Variants in SMPDL3A observed in about 807,000 individuals in gnomAD.
SMPDL3A encodes cyclic GMP-AMP phosphodiesterase SMPDL3A.
A neutral mutation model predicts 38.5 loss-of-function variants in SMPDL3A; 39 were observed. The ratio of observed to expected loss-of-function variants is 1.01; its 90% confidence interval spans 0.78 to 1.32. The LOEUF (loss-of-function observed/expected upper bound fraction) is 1.32, where lower values mean the gene tolerates loss of function less well. Among genes scored for constraint, SMPDL3A ranks in the 40% most tolerant of loss-of-function variants. SMPDL3A has a pLI of 0.00. For missense variants in SMPDL3A, 502 were observed against 536.2 expected (o/e 0.94, Z 0.63); for synonymous variants, 180 against 194.3 (o/e 0.93, Z 0.61).
At chr6:122,796,010 A>G (rs1781238495) in intron 2 of SMPDL3A, 120 bp downstream of exon 2, 2 of 755,716 alleles carry the variant, frequency 2.6e-6, no homozygotes, top group Non-Finnish European at 2.1e-6. Flanking sequence ...TTGAGTTAAA[A>G]AAACACTAGG....
intron 7 of SMPDL3A, among the ~76,000 whole-genome samples, chr6:122,808,166 A>G (rs889134938): frequency 6.6e-6 from 1 of 152,242 alleles, no homozygotes; most frequent in African/African-American, 2.4e-5. Flanking sequence ...AAAAATGTAA[A>G]TAAGTATGCA....
intron 3 of SMPDL3A, among the ~76,000 whole-genome samples, chr6:122,800,148 T>C (rs1781381448): frequency 6.6e-6 from 1 of 152,098 alleles, no homozygotes; most frequent in South Asian, 2.1e-4. Flanking sequence ...TATTTAACTT[T>C]CTTAAAGTTT....
chr6:122,808,629 T>TCCTTCCTC (rs1781733441), intron 7 of SMPDL3A, among the ~76,000 whole-genome samples: 1 of 65,204 alleles, frequency 1.5e-5, no homozygotes, highest in Non-Finnish European at 3.1e-5. Flanking sequence ...CTTCCTTCCT[T>TCCTTCCTC]CCTTCCTTCC....
Position 122,809,186 on chromosome 6 carries a change from T to A in SMPDL3A, c.1140T>A (p.Ile380=). The change falls in exon 8 of 8, where the codon ATT becomes ATA. Residue 380 remains isoleucine (I), a synonymous_variant. Coordinates refer to ENST00000368440, the MANE Select transcript of SMPDL3A (RefSeq NM_006714.5). ...LEYILTQTYD[I]EDLQPESLYG... Reference sequence around the variant, plus strand: ...ATATCCTGACCCAGACCTACGACATTGAAGATTTGCAGCCGGAAAGTTTAT... The same window carrying A: ...ATATCCTGACCCAGACCTACGACATAGAAGATTTGCAGCCGGAAAGTTTAT... The A allele has an allele frequency of 5.0e-6, 8 of 1,614,134 alleles. No homozygotes were observed. The highest frequency in any genetic ancestry group is 5.9e-6 in the Non-Finnish European group (7 of 1,180,014).
chr6:122,792,719 A>C (rs1486592155), intron 1 of SMPDL3A, among the ~76,000 whole-genome samples: 1 of 150,456 alleles, frequency 6.6e-6, no homozygotes, highest in Non-Finnish European at 1.5e-5. Flanking sequence ...CTGCAGCCTC[A>C]AGCTCCCTGG....
rs190501321 is a variant in SMPDL3A at position 122,807,908 on chromosome 6, G to A, written c.1045-1183G>A. ...TGCCTAATTTTGGATCTGAACCTCAGATATATACATCCACACACACACGTA... is the reference window on the plus strand; with the variant it reads ...TGCCTAATTTTGGATCTGAACCTCAAATATATACATCCACACACACACGTA... On this transcript the variant is annotated intron_variant, in intron 7 of 7. Coordinates refer to ENST00000368440, the MANE Select transcript of SMPDL3A (RefSeq NM_006714.5). Among the ~76,000 whole-genome samples the A allele has an allele frequency of 1.8e-4, 27 of 152,098 alleles. No homozygotes were observed. The East Asian group carries it at 4.8e-3, about 27-fold the overall frequency.
At chr6:122,799,111 AATATAC>A (rs1448324775) in intron 3 of SMPDL3A, among the ~76,000 whole-genome samples, 1 of 152,310 alleles carries the variant, frequency 6.6e-6, no homozygotes, top group East Asian at 1.9e-4. Context: ...TAGCTACATA[AATATAC>A]ATATACAGAT....
At chr6:122,803,874 G>C (rs775792788) in intron 5 of SMPDL3A, 41 bp downstream of exon 5, 2 of 1,554,236 alleles carry the variant, frequency 1.3e-6, no homozygotes, top group Non-Finnish European at 1.8e-6. Context: ...ATAAACGGAA[G>C]GCAAAATTTG....
chr6:122,792,422 T>G (rs1030269743), intron 1 of SMPDL3A, among the ~76,000 whole-genome samples: 1 of 152,168 alleles, frequency 6.6e-6, no homozygotes, highest in African/African-American at 2.4e-5. Context: ...AATTAAAGAA[T>G]GTTTGTTGAA....
chr6:122,796,995 C>A, intron 3 of SMPDL3A, 27 bp downstream of exon 3: 1 of 1,601,396 alleles, frequency 6.2e-7, no homozygotes, highest in Non-Finnish European at 8.5e-7. Context: ...TTCAGAAATG[C>A]TTAAAGAATT....
At chr6:122,808,663 T>C (rs183048962) in intron 7 of SMPDL3A, among the ~76,000 whole-genome samples, 256 of 49,596 alleles carry the variant, frequency 5.2e-3, no homozygotes, top group African/African-American at 0.012. Context: ...CCCCCCTCCC[T>C]CCCTCTCCTT....
intron 4 of SMPDL3A, 140 bp from the exon 5 acceptor site, chr6:122,803,524 C>A (rs1031095627): frequency 3.2e-6 from 2 of 628,412 alleles, no homozygotes; most frequent in Non-Finnish European, 5.5e-6. Context: ...TATCTAATGA[C>A]AGCCTATCTA....
In SMPDL3A at chr6:122,804,909, G is replaced by A. The variant is rs992901572; in HGVS notation, c.739G>A (p.Val247Met). ...GGCCTTTTTGTGTTTCTTTTTCCAG[G>A]TGTATATCATAGCACATGTTCCAGT... ...LNNSQQNKEK[V>M]YIIAHVPVGY... The change falls in exon 6 of 8, where the codon GTG (valine) becomes ATG (methionine). Residue 247 changes from valine (V) to methionine (M), a missense_variant and splice_region_variant. Physicochemically the swap from Val to Met is conservative, Grantham distance 21. Transcript: ENST00000368440. 2 of 1,605,142 alleles carry A rather than the reference G, an allele frequency of 1.2e-6. No homozygotes were observed. Among genetic ancestry groups the A allele is most frequent in the Non-Finnish European group, 1.7e-6 (2 of 1,177,350 alleles).
chr6:122,809,201 G>C lies in SMPDL3A; in HGVS notation c.1155G>C (p.Pro385=). 4.3e-6 allele frequency: 7 copies of C among 1,614,102 alleles called. No homozygotes were observed. The highest frequency in any genetic ancestry group is 5.1e-6 in the Non-Finnish European group (6 of 1,179,996). ...CCTACGACATTGAAGATTTGCAGCCGGAAAGTTTATATGGATTAGCTAAAC... is the reference window on the plus strand; with the variant it reads ...CCTACGACATTGAAGATTTGCAGCCCGAAAGTTTATATGGATTAGCTAAAC... ...TQTYDIEDLQ[P]ESLYGLAKQF... is the part of the protein sequence containing the mutation. Residue 385 remains proline, a synonymous_variant, in exon 8 of 8, where the codon CCG becomes CCC. Transcript: ENST00000368440.
intron 7 of SMPDL3A, among the ~76,000 whole-genome samples, chr6:122,806,716 A>G (rs1048810215): frequency 6.6e-6 from 1 of 151,752 alleles, no homozygotes; most frequent in African/African-American, 2.4e-5. Flanking sequence ...AGGCTCTGTT[A>G]CCATTCCCTC....
intron 1 of SMPDL3A, among the ~76,000 whole-genome samples, chr6:122,791,393 G>T (rs553458836): frequency 1.3e-5 from 2 of 152,236 alleles, no homozygotes; most frequent in Middle Eastern, 3.4e-3. Context: ...CTGTAACCTA[G>T]CTTAATAGTC....
intron 6 of SMPDL3A, 41 bp downstream of exon 6, chr6:122,805,130 C>G (rs1183415280): frequency 6.8e-7 from 1 of 1,480,534 alleles, no homozygotes; most frequent in East Asian, 2.4e-5. Flanking sequence ...GTCTAAGAGT[C>G]TAGAGCAAAG....
chr6:122,789,420 T>G lies in SMPDL3A; in HGVS notation c.74T>G (p.Val25Gly), dbSNP rs2115154538. 3 of 1,549,394 alleles carry G rather than the reference T, an allele frequency of 1.9e-6. No homozygotes were observed. Among genetic ancestry groups the G allele is most frequent in the Non-Finnish European group, 2.6e-6 (3 of 1,146,338 alleles). ...TGCCGCTCCGGCCTCGGGCTGCCCG[T>G]GGCGCCCGCAGGCGGCAGGAATCCT... Reference protein sequence around the residue: ...WHCRSGLGLPVAPAGGRNPPP... With the variant: ...WHCRSGLGLPGAPAGGRNPPP... Residue 25 changes from valine (V) to glycine (G), a missense_variant, in exon 1 of 8, where the codon GTG becomes GGG. Transcript: ENST00000368440.
chr6:122,793,189 G>A (rs1054137683), intron 1 of SMPDL3A, among the ~76,000 whole-genome samples: 1 of 152,010 alleles, frequency 6.6e-6, no homozygotes, highest in Non-Finnish European at 1.5e-5. Context: ...CTTGGAAATG[G>A]GGTTTGAAGT....
Sources: gnomAD v4.1 joint callset for allele counts (sites outside exome capture counted in the v4.1 genomes callset) on GRCh38, gnomAD v4.1.1 for gene constraint, MANE v1.5 for transcripts, NCBI Gene and HGNC (gene_info 2026-07-23, HGNC 2026-07-21) for gene names.